CNBD1: variants seen among roughly 807,000 people sequenced by gnomAD.
CNBD1 encodes cyclic nucleotide binding domain containing 1.
A neutral mutation model predicts 54.4 loss-of-function variants in CNBD1; 71 were observed. The ratio of observed to expected loss-of-function variants is 1.30; its 90% CI spans 1.08 to 1.59. CNBD1 has a LOEUF of 1.59. Ranked by LOEUF, CNBD1 falls within the 40% of genes most tolerant of loss-of-function variation. The pLI is 0.00. For synonymous variants in CNBD1, 182 were observed against 170.7 expected (o/e 1.07, Z -0.51); for missense variants, 659 against 518.0 (o/e 1.27, Z -2.64).
chr8:87,370,627 G>A (rs1213918933), intron 10 of CNBD1, among the ~76,000 whole-genome samples: 1 of 151,630 alleles, frequency 6.6e-6, no homozygotes, highest in African/African-American at 2.4e-5. Context: ...CTGGATATTA[G>A]CCCTTTGTCA....
intron 10 of CNBD1, among the ~76,000 whole-genome samples, chr8:87,356,273 G>T (rs1050849993): frequency 6.6e-6 from 1 of 152,186 alleles, no homozygotes; most frequent in African/African-American, 2.4e-5. Flanking sequence ...GGTTGGAAGA[G>T]TTTGAAAGTC....
chr8:87,253,235 G>A (rs1057421448), intron 6 of CNBD1, among the ~76,000 whole-genome samples: 2 of 152,056 alleles, frequency 1.3e-5, no homozygotes, highest in Non-Finnish European at 1.5e-5. Context: ...AGACTGGCCC[G>A]GAGGATTACG....
At position 86,881,315 on chromosome 8, in the gene CNBD1, CAA is replaced by C. The variant is rs375006802; in HGVS notation, c.89-6225_89-6224del. Among the ~76,000 whole-genome samples, 19 of 152,208 alleles carry C rather than the reference CAA, an allele frequency of 1.2e-4. No individual in the cohort carries two copies. In the East Asian group the frequency reaches 2.1e-3, roughly 17 times the overall value. ...TCCCAAAGCTTCTCAAGCTTATAAG[CAA>C]AGTCTCAGGATACAGAATCAATGTG... On this transcript the variant is annotated intron_variant, in intron 1 of 10. Transcript: ENST00000518476.
rs538662453 is a variant in CNBD1 at position 87,303,943 on chromosome 8, T to C, written c.1042+17272T>C. Among the ~76,000 whole-genome samples, 3 of 152,162 alleles carry C rather than the reference T, an allele frequency of 2.0e-5. No individual in the cohort carries two copies. The South Asian group carries it at 6.2e-4, about 32-fold the overall frequency. On this transcript the variant is annotated intron_variant, in intron 8 of 10. Coordinates refer to ENST00000518476, the MANE Select transcript of CNBD1 (RefSeq NM_173538.3). ...AAATCAAAACCACAATGAGATATCA[T>C]CTCACACCAGTTAGAATGTCGATCA... is the stretch of plus-strand genomic sequence containing the variant.
intron 4 of CNBD1, among the ~76,000 whole-genome samples, chr8:87,205,164 C>T (rs1157361117): frequency 2.6e-5 from 4 of 152,086 alleles, no homozygotes; most frequent in Non-Finnish European, 5.9e-5. Context: ...TGGTTTTTCA[C>T]ATGAAATTTT....
At chr8:87,310,197 A>G (rs1809236259) in intron 8 of CNBD1, among the ~76,000 whole-genome samples, 1 of 152,084 alleles carries the variant, frequency 6.6e-6, no homozygotes, top group South Asian at 2.1e-4. Context: ...TCTACAAAAA[A>G]GTTTAAAAAA....
intron 8 of CNBD1, among the ~76,000 whole-genome samples, chr8:87,321,695 TATA>T (rs1809537011): frequency 6.6e-6 from 1 of 152,166 alleles, no homozygotes; most frequent in Admixed American, 6.6e-5. Context: ...TTTAATTTGA[TATA>T]ATCTCATTTG....
intron 4 of CNBD1, among the ~76,000 whole-genome samples, chr8:87,187,712 T>C (rs886822558): frequency 2.6e-5 from 4 of 152,244 alleles, no homozygotes; most frequent in Admixed American, 6.5e-5. Context: ...TCTTGACCCT[T>C]AAGTTCACTA....
chr8:87,224,174 T>G (rs1814418757), intron 5 of CNBD1, among the ~76,000 whole-genome samples: 2 of 152,160 alleles, frequency 1.3e-5, no homozygotes, highest in South Asian at 2.1e-4. Flanking sequence ...TGCGAAAATT[T>G]TCTCCCATTT....
At chr8:86,963,368 C>T (rs896516163) in intron 4 of CNBD1, among the ~76,000 whole-genome samples, 2 of 152,208 alleles carry the variant, frequency 1.3e-5, no homozygotes, top group South Asian at 2.1e-4. Context: ...CTCACCTGCA[C>T]TGTGCCCTTC....
chr8:87,328,869 A>T (rs888060712), intron 8 of CNBD1, among the ~76,000 whole-genome samples: 6 of 152,028 alleles, frequency 3.9e-5, no homozygotes, highest in Admixed American at 3.3e-4. Context: ...TGCTACTGTA[A>T]ATTAGAACAT....
At chr8:87,301,178 T>A (rs112273915) in intron 8 of CNBD1, among the ~76,000 whole-genome samples, 15,936 of 151,972 alleles carry the variant, frequency 0.1, 860 homozygotes, top group African/African-American at 0.13. Flanking sequence ...AACAGACTAA[T>A]AACAAGCAGC....
chr8:87,240,580 G>A (rs1563520255), intron 6 of CNBD1, among the ~76,000 whole-genome samples: 1 of 152,086 alleles, frequency 6.6e-6, no homozygotes. Flanking sequence ...CTCAGCTTAT[G>A]CCTTATTGTG....
intron 4 of CNBD1, among the ~76,000 whole-genome samples, chr8:87,032,913 G>T (rs186939260): frequency 6.6e-6 from 1 of 152,276 alleles, no homozygotes; most frequent in East Asian, 1.9e-4. Context: ...TTCTTCTGGT[G>T]TGGTGTCTAC....
intron 10 of CNBD1, among the ~76,000 whole-genome samples, 178 bp from the exon 11 acceptor site, chr8:87,382,442 G>A (rs972768634): frequency 7.9e-5 from 12 of 151,996 alleles, no homozygotes; most frequent in African/African-American, 2.9e-4. Context: ...TGTCATTAGA[G>A]GGGGTGTAAA....
chr8:87,343,836 A>G (rs1357476094), intron 8 of CNBD1, among the ~76,000 whole-genome samples: 3 of 152,138 alleles, frequency 2.0e-5, no homozygotes, highest in Admixed American at 1.3e-4. Context: ...ACAGTTTTGT[A>G]TACTTAATAT....
intron 4 of CNBD1, among the ~76,000 whole-genome samples, chr8:86,972,390 G>A (rs190573732): frequency 1.5e-4 from 23 of 152,298 alleles, no homozygotes; most frequent in Admixed American, 8.5e-4. Flanking sequence ...GAAGAAAAAT[G>A]TAAGAGTAGA....
At chr8:86,999,181 C>CT (rs1223750292) in intron 4 of CNBD1, among the ~76,000 whole-genome samples, 1 of 152,280 alleles carries the variant, frequency 6.6e-6, no homozygotes, top group East Asian at 1.9e-4. Flanking sequence ...TTTTCTAGCT[C>CT]TTTTGCCTCT....
chr8:87,176,170 T>A (rs1813193282), intron 4 of CNBD1, among the ~76,000 whole-genome samples: 1 of 152,216 alleles, frequency 6.6e-6, no homozygotes, highest in Admixed American at 6.5e-5. Flanking sequence ...AATATGAAGT[T>A]AAAACCAGGT....
Sources: gnomAD v4.1 joint callset for allele counts (sites outside exome capture counted in the v4.1 genomes callset) on GRCh38, gnomAD v4.1.1 for gene constraint, MANE v1.5 for transcripts, NCBI Gene and HGNC (gene_info 2026-07-23, HGNC 2026-07-21) for gene names.